MEOX2: variants seen among roughly 807,000 people sequenced by gnomAD.
MEOX2 encodes the protein mesenchyme homeobox 2.
A neutral mutation model predicts 27.0 loss-of-function variants in MEOX2; 11 were observed. The observed-to-expected ratio is 0.41, with a 90% confidence interval of 0.26 to 0.68. The LOEUF (loss-of-function observed/expected upper bound fraction) is 0.68. Ranked by LOEUF, MEOX2 falls within the 30% of genes least tolerant of loss-of-function variation. MEOX2 has a pLI of 0.33. For missense variants in MEOX2, 436 were observed against 385.4 expected (o/e 1.13, Z -1.10); for synonymous variants, 189 against 155.4 (o/e 1.22, Z -1.61).
rs566194859 is a variant in MEOX2 at position 15,661,290 on chromosome 7, G to C, written c.517+24596C>G. On this transcript the variant is annotated intron_variant, in intron 1 of 2. Coordinates refer to ENST00000262041, the MANE Select transcript of MEOX2 (RefSeq NM_005924.5). ...TGAGCTACTTCACATAATAAACTAA[G>C]AACCGTATTCACTCACATCTCTAAT... is the stretch of plus-strand genomic sequence containing the variant. Among the ~76,000 whole-genome samples, 180 of 152,106 alleles carry C rather than the reference G, an allele frequency of 1.2e-3. 1 individual carries two copies. The highest frequency in any genetic ancestry group is 4.2e-3 in the African/African-American group (173 of 41,502).
chr7:15,654,978 T>C (rs1781795480), intron 1 of MEOX2, among the ~76,000 whole-genome samples: 1 of 151,720 alleles, frequency 6.6e-6, no homozygotes, highest in African/African-American at 2.4e-5. Flanking sequence ...TTATTTCAGT[T>C]TGGTAGAATT....
intron 1 of MEOX2, among the ~76,000 whole-genome samples, chr7:15,656,008 G>C (rs970959377): frequency 6.6e-6 from 1 of 151,608 alleles, no homozygotes; most frequent in Non-Finnish European, 1.5e-5. Context: ...ATCAGTTTTT[G>C]TTTTATGTAT....
At chr7:15,623,838 T>C (rs984749107) in intron 2 of MEOX2, among the ~76,000 whole-genome samples, 1 of 152,258 alleles carries the variant, frequency 6.6e-6, no homozygotes, top group Non-Finnish European at 1.5e-5. Flanking sequence ...CAATTGTGAA[T>C]ATTTGTTCAA....
chr7:15,653,199 A>G (rs1781767343), intron 1 of MEOX2, among the ~76,000 whole-genome samples: 1 of 144,630 alleles, frequency 6.9e-6, no homozygotes, highest in African/African-American at 2.5e-5. Context: ...GTGTCATAAC[A>G]GTGTGGTTTT....
chr7:15,656,152 A>G (rs536291811), intron 1 of MEOX2, among the ~76,000 whole-genome samples: 1 of 151,802 alleles, frequency 6.6e-6, no homozygotes, highest in South Asian at 2.1e-4. Context: ...TCTCATATTA[A>G]TATACCCACT....
chr7:15,667,226 G>A (rs1282675327), intron 1 of MEOX2, among the ~76,000 whole-genome samples: 1 of 134,346 alleles, frequency 7.4e-6, no homozygotes, highest in African/African-American at 2.7e-5. Context: ...AGGAGGCAGA[G>A]GTTGCAGTGA....
chr7:15,626,056 C>A (rs964845844), intron 2 of MEOX2, among the ~76,000 whole-genome samples: 1 of 152,122 alleles, frequency 6.6e-6, no homozygotes, highest in African/African-American at 2.4e-5. Context: ...CATTTCCCAG[C>A]CATCTTGCAC....
At chr7:15,667,968 T>A (rs1283811244) in intron 1 of MEOX2, 5 of 152,320 alleles carry the variant, frequency 3.3e-5, no homozygotes, top group Non-Finnish European at 7.4e-5. Flanking sequence ...AAACAACAGA[T>A]CCACTTTATT....
At position 15,686,455 on chromosome 7, in the gene MEOX2, C is replaced by T. The variant is rs1396638014; in HGVS notation, c.-53G>A. On this transcript the variant is annotated 5_prime_UTR_variant, in exon 1 of 3. Transcript: ENST00000262041. ...AAGACTTCACGGCGGTTCCAAAGGC[C>T]ACCACCCTCTGTCACTTTTTCACTG... The T allele has an allele frequency of 1.4e-6, 2 of 1,460,262 alleles. No individual in the cohort carries two copies. Among genetic ancestry groups the T allele is most frequent in the East Asian group, 2.5e-5 (1 of 40,132 alleles). 90.5% of individuals were successfully genotyped at this position (1,460,262 alleles called of 1,614,324 possible).
At position 15,626,888 on chromosome 7, in the gene MEOX2, A is replaced by C; in HGVS notation, c.548T>G (p.Val183Gly). 1 of 1,612,166 alleles carries C rather than the reference A, an allele frequency of 6.2e-7. No homozygotes were observed. The highest frequency in any genetic ancestry group is 8.5e-7 in the Non-Finnish European group (1 of 1,179,348). The change falls in exon 2 of 3, where the codon GTC (valine) becomes GGC (glycine). Residue 183 changes from valine to glycine, a missense_variant. Val to Gly is a moderately radical substitution (Grantham distance 109). Coordinates refer to ENST00000262041, the MANE Select transcript of MEOX2 (RefSeq NM_005924.5). ...DSQEGNYKSEVNSKPRKERTA... is the reference protein window; with the variant it reads ...DSQEGNYKSEGNSKPRKERTA... ...CCTTTCTTTCCTGGGTTTGCTGTTGACTTCTGACTTGTAATTTCCTTCCTG... is the reference window on the plus strand; with the variant it reads ...CCTTTCTTTCCTGGGTTTGCTGTTGCCTTCTGACTTGTAATTTCCTTCCTG...
At chr7:15,619,980 C>G (rs1176233785) in intron 2 of MEOX2, among the ~76,000 whole-genome samples, 1 of 151,906 alleles carries the variant, frequency 6.6e-6, no homozygotes, top group African/African-American at 2.4e-5. Flanking sequence ...GTATCATAAC[C>G]TTTTTTGTGT....
intron 1 of MEOX2, among the ~76,000 whole-genome samples, chr7:15,659,071 C>T (rs539881451): frequency 2.6e-5 from 4 of 152,270 alleles, no homozygotes; most frequent in African/African-American, 9.6e-5. Flanking sequence ...ATGATTATGG[C>T]TCATTACAGC....
At chr7:15,619,576 C>T (rs2189449) in intron 2 of MEOX2, among the ~76,000 whole-genome samples, 101,889 of 151,496 alleles carry the variant, frequency 0.67, 34,490 homozygotes, top group East Asian at 0.81. Flanking sequence ...AATAAAGGCT[C>T]ATTTTATTTG....
chr7:15,684,011 C>A (rs906059536), intron 1 of MEOX2, among the ~76,000 whole-genome samples: 1 of 151,936 alleles, frequency 6.6e-6, no homozygotes, highest in Non-Finnish European at 1.5e-5. Flanking sequence ...TAAATTATTC[C>A]ATTTTTTAAA....
At chr7:15,653,186 G>A (rs569020484) in intron 1 of MEOX2, among the ~76,000 whole-genome samples, 1 of 138,290 alleles carries the variant, frequency 7.2e-6, no homozygotes, top group Admixed American at 7.7e-5. Flanking sequence ...TGATGGCTGT[G>A]TAGTGTCATA....
At chr7:15,672,718 C>T (rs576386722) in intron 1 of MEOX2, among the ~76,000 whole-genome samples, 1 of 151,834 alleles carries the variant, frequency 6.6e-6, no homozygotes, top group East Asian at 1.9e-4. Flanking sequence ...TGGTGAAACC[C>T]CATCTCTACT....
intron 1 of MEOX2, among the ~76,000 whole-genome samples, chr7:15,656,284 T>A (rs930492181): frequency 4.5e-4 from 69 of 151,994 alleles, no homozygotes; most frequent in African/African-American, 1.6e-3. Flanking sequence ...AATGGTTGGT[T>A]CATGAAGTTT....
At chr7:15,665,156 A>G (rs1025890895) in intron 1 of MEOX2, among the ~76,000 whole-genome samples, 5 of 152,062 alleles carry the variant, frequency 3.3e-5, no homozygotes, top group Non-Finnish European at 5.9e-5. Flanking sequence ...AATGTTACAC[A>G]TTTTGGCAAA....
intron 1 of MEOX2, among the ~76,000 whole-genome samples, chr7:15,674,517 G>A (rs955631588): frequency 8.6e-5 from 13 of 151,658 alleles, no homozygotes; most frequent in Admixed American, 4.0e-4. Context: ...AAATGTGAAA[G>A]CATTTGGCAG....
Sources: gnomAD v4.1 joint callset for allele counts (sites outside exome capture counted in the v4.1 genomes callset) on GRCh38, gnomAD v4.1.1 for gene constraint, MANE v1.5 for transcripts, NCBI Gene and HGNC (gene_info 2026-07-23, HGNC 2026-07-21) for gene names.